BTD: variants seen among roughly 807,000 people sequenced by gnomAD.
BTD encodes biocytinase.
Under a neutral mutation model 17.7 loss-of-function variants are expected in BTD, and 13 were observed. The observed-to-expected ratio is 0.74, with a 90% CI of 0.48 to 1.17. The LOEUF is 1.17. Ranked by LOEUF, BTD falls within the 50% of genes most tolerant of loss-of-function variation. The pLI is 0.00. For missense variants in BTD, 674 were observed against 650.4 expected (o/e 1.04, Z -0.39); for synonymous variants, 240 against 245.2 (o/e 0.98, Z 0.20).
At chr3:15,682,948 C>T (rs2067694112) in intron 3 of BTD, among the ~76,000 whole-genome samples, 2 of 152,260 alleles carry the variant, frequency 1.3e-5, no homozygotes, top group East Asian at 3.9e-4. Flanking sequence ...TAAATGGCAA[C>T]CAGGCATGCA....
At chr3:15,685,876 T>G (rs1403019194) in intron 3 of BTD, 27 of 732,188 alleles carry the variant, frequency 3.7e-5, no homozygotes, top group Non-Finnish European at 5.2e-5. Flanking sequence ...ACTAAGATAC[T>G]GAAAGAAATG....
At chr3:15,633,152 T>C (rs145982877) in intron 1 of BTD, among the ~76,000 whole-genome samples, 272 of 152,350 alleles carry the variant, frequency 1.8e-3, no homozygotes, top group African/African-American at 5.5e-3. Context: ...ACTGTATTTT[T>C]TAAATTGCTA....
At chr3:15,642,331 A>G (rs1260399187) in intron 3 of BTD, 2 of 1,292,482 alleles carry the variant, frequency 1.5e-6, no homozygotes, top group East Asian at 5.1e-5. Flanking sequence ...TAAAAAAAGA[A>G]AAGTTCATCT....
chr3:15,689,113 TA>T (rs918853221), intron 3 of BTD, among the ~76,000 whole-genome samples: 1 of 152,212 alleles, frequency 6.6e-6, no homozygotes, highest in African/African-American at 2.4e-5. Context: ...TTTTACCACT[TA>T]AAGTCAAAAA....
downstream of BTD, among the ~76,000 whole-genome samples, chr3:15,716,811 A>G (rs2073125208): frequency 6.6e-6 from 1 of 152,202 alleles, no homozygotes; most frequent in Non-Finnish European, 1.5e-5. Context: ...AAAACACTTC[A>G]TATGGTCAGG....
intron 3 of BTD, 154 bp downstream of exon 3, chr3:15,642,211 C>T (rs1190652658): frequency 6.7e-7 from 1 of 1,495,748 alleles, no homozygotes; most frequent in Non-Finnish European, 8.9e-7. Flanking sequence ...GCCACATGTT[C>T]ATTCCATTAA....
chr3:15,686,114 G>A (rs758141062), intron 3 of BTD: 1 of 1,612,628 alleles, frequency 6.2e-7, no homozygotes, highest in Non-Finnish European at 8.5e-7. Flanking sequence ...TAGCATCAGA[G>A]GCGTCCTGAG....
At chr3:15,695,336 A>G in intron 3 of BTD, 1 of 695,826 alleles carries the variant, frequency 1.4e-6, no homozygotes, top group South Asian at 1.9e-5. Flanking sequence ...GCTCCAAAAA[A>G]TTAGGTGTTT....
At chr3:15,657,825 G>GA (rs369674664), downstream of BTD, among the ~76,000 whole-genome samples, 13,913 of 143,480 alleles carry the variant, frequency 0.097, 711 homozygotes, top group African/African-American at 0.13. Flanking sequence ...AAGCAACACT[G>GA]AAAAAAAAAA....
chr3:15,711,593 T>C (rs66646328), exon 4 of BTD, among the ~76,000 whole-genome samples: 26,348 of 152,042 alleles, frequency 0.17, 3,480 homozygotes, highest in East Asian at 0.56. Context: ...TTTATAGAGA[T>C]GAAAAGTAGA....
At chr3:15,655,660 TAA>T (rs2125536732), downstream of BTD, among the ~76,000 whole-genome samples, 1 of 152,344 alleles carries the variant, frequency 6.6e-6, no homozygotes, top group Admixed American at 6.5e-5. Flanking sequence ...CCTCTCTCTG[TAA>T]AAGAGGGGAC....
intron 3 of BTD, among the ~76,000 whole-genome samples, chr3:15,661,012 T>A (rs1047513825): frequency 6.6e-6 from 1 of 152,062 alleles, no homozygotes; most frequent in Non-Finnish European, 1.5e-5. Context: ...ATGCCTGTAA[T>A]CCCAGCACTT....
chr3:15,721,190 T>G, intron 4 of BTD: 1 of 1,415,312 alleles, frequency 7.1e-7, no homozygotes, highest in Non-Finnish European at 9.8e-7. Flanking sequence ...TGTTGTGAGC[T>G]ATTTTAGCAA....
chr3:15,714,543 A>AAAAG, downstream of BTD: 1 of 1,491,322 alleles, frequency 6.7e-7, no homozygotes, highest in Non-Finnish European at 9.0e-7. Flanking sequence ...AAAAAAAAAA[A>AAAAG]AAAACCCCAA....
chr3:15,608,148 C>T (rs887952944), intron 1 of BTD, among the ~76,000 whole-genome samples: 7 of 152,212 alleles, frequency 4.6e-5, no homozygotes, highest in African/African-American at 1.7e-4. Flanking sequence ...CTAGAGAAAG[C>T]TTGGATTCCT....
intron 1 of BTD, among the ~76,000 whole-genome samples, chr3:15,616,241 G>A (rs186767048): frequency 6.6e-6 from 1 of 152,310 alleles, no homozygotes; most frequent in Admixed American, 6.5e-5. Flanking sequence ...TTCCAAAGTG[G>A]TTGGATCATT....
chr3:15,693,130 A>G lies in BTD; in HGVS notation c.400-16930A>G, dbSNP rs1373263894. ...AAACAGGGAGATGTTTAATGGGTAC[A>G]GAGTTTTAGTTTTAACCTTTACAAG... On this transcript the variant is annotated intron_variant, in intron 3 of 3. Coordinates refer to the BTD transcript ENST00000672141. Among the ~76,000 whole-genome samples the G allele has an allele frequency of 2.6e-5, 4 of 152,212 alleles. No homozygotes were observed. The East Asian group carries it at 7.7e-4, about 29-fold the overall frequency.
At chr3:15,613,704 T>C (rs2064704304) in intron 1 of BTD, among the ~76,000 whole-genome samples, 1 of 152,184 alleles carries the variant, frequency 6.6e-6, no homozygotes, top group South Asian at 2.1e-4. Flanking sequence ...GTATAACCTT[T>C]GTTTTCGTAT....
At position 15,707,845 on chromosome 3, in the gene BTD, T is replaced by C. The variant is rs2276751; in HGVS notation, c.400-2215T>C. 165,097 of 1,504,052 alleles carry C rather than the reference T, an allele frequency of 0.11. 14,914 individuals are homozygous for C. Among genetic ancestry groups the C allele is most frequent in the East Asian group, 0.55 (23,445 of 42,962 alleles). The allele number at this position is 1,504,052 out of a possible 1,614,324, so 93.2% of individuals were successfully genotyped here. On this transcript the variant is annotated intron_variant, in intron 3 of 3. Coordinates refer to the BTD transcript ENST00000672141. ...AAAAAATACAAAGAGGAAACACAAA[T>C]TTGCAACAAAAACATCCATATGGAA...
Sources: allele counts gnomAD v4.1 joint callset (sites outside exome capture counted in the v4.1 genomes callset), GRCh38; gene constraint gnomAD v4.1.1; transcripts MANE v1.5; gene names NCBI Gene and HGNC (gene_info 2026-07-23, HGNC 2026-07-21).